The following SUPT3H variants were observed in gnomAD, a reference collection of about 807,000 sequenced individuals.
SUPT3H encodes transcription initiation protein SPT3 homolog.
Under a neutral mutation model 44.3 loss-of-function variants are expected in SUPT3H, and 44 were observed. The observed-to-expected ratio is 0.99, with a 90% CI of 0.78 to 1.28. The LOEUF (loss-of-function observed/expected upper bound fraction) is 1.28, where lower values mean the gene tolerates loss of function less well. SUPT3H is among the 50% of genes most tolerant of loss of function. SUPT3H has a pLI of 0.00. For synonymous variants in SUPT3H, 124 were observed against 125.6 expected, an observed-to-expected ratio of 0.99 and a Z score of 0.09; for missense variants, 380 against 387.1, an observed-to-expected ratio of 0.98 and a Z score of 0.15.
intron 2 of SUPT3H, among the ~76,000 whole-genome samples, chr6:45,343,055 A>G (rs1790137877): frequency 6.6e-6 from 1 of 152,196 alleles, no homozygotes; most frequent in Non-Finnish European, 1.5e-5. Flanking sequence ...GAAAGTTTCC[A>G]GTTAAATAAA....
chr6:45,319,253 T>C (rs1785132589), intron 2 of SUPT3H, among the ~76,000 whole-genome samples: 1 of 152,160 alleles, frequency 6.6e-6, no homozygotes, highest in African/African-American at 2.4e-5. Context: ...ATGTGTCTTA[T>C]AATTAAATAT....
chr6:44,855,451 G>GAA (rs1199311475), intron 10 of SUPT3H, among the ~76,000 whole-genome samples: 1 of 152,080 alleles, frequency 6.6e-6, no homozygotes, highest in Non-Finnish European at 1.5e-5. Flanking sequence ...CTCTCCTAAT[G>GAA]AAACTGTCAT....
chr6:44,987,949 A>G (rs536781717), intron 6 of SUPT3H, among the ~76,000 whole-genome samples: 2 of 152,098 alleles, frequency 1.3e-5, no homozygotes, highest in Non-Finnish European at 2.9e-5. Context: ...ACACTAGGGA[A>G]TGTTCTAGGA....
At chr6:45,339,539 T>G (rs2061673173) in intron 2 of SUPT3H, among the ~76,000 whole-genome samples, 1 of 152,120 alleles carries the variant, frequency 6.6e-6, no homozygotes, top group South Asian at 2.1e-4. Context: ...TAGTCAATGG[T>G]TATGTGTTTA....
chr6:44,877,027 T>C (rs1443360643), intron 10 of SUPT3H, among the ~76,000 whole-genome samples: 1 of 152,186 alleles, frequency 6.6e-6, no homozygotes, highest in Non-Finnish European at 1.5e-5. Context: ...ATTTGACAGT[T>C]ATGTCTAGTG....
intron 10 of SUPT3H, 93 bp from the exon 11 acceptor site, chr6:44,829,950 T>C: frequency 3.5e-6 from 4 of 1,129,364 alleles, no homozygotes; most frequent in Middle Eastern, 2.0e-4. Context: ...TCCTGTTTTG[T>C]AGACTCTGCT....
At chr6:45,234,773 T>C (rs1242941351) in intron 2 of SUPT3H, among the ~76,000 whole-genome samples, 1 of 152,166 alleles carries the variant, frequency 6.6e-6, no homozygotes, top group Non-Finnish European at 1.5e-5. Flanking sequence ...CACTTTTATA[T>C]CCAACTGATA....
Position 45,176,199 on chromosome 6 carries a change from C to T in SUPT3H, c.102-70193G>A, listed in dbSNP as rs373506631. On this transcript the variant is annotated intron_variant, in intron 2 of 10. Transcript: ENST00000371459. ...TCACTAGGGAGTGCCAGACAGTGGG[C>T]GCAGGTCAGTGGGTGCGCGCACCGT... Among the ~76,000 whole-genome samples, 25 of 151,704 alleles carry T rather than the reference C, an allele frequency of 1.6e-4. No individual in the cohort carries two copies. In the East Asian group the frequency reaches 2.7e-3, roughly 17 times the overall value.
At chr6:44,908,012 A>G (rs1470443781) in intron 10 of SUPT3H, among the ~76,000 whole-genome samples, 1 of 152,224 alleles carries the variant, frequency 6.6e-6, no homozygotes, top group Non-Finnish European at 1.5e-5. Context: ...AAGAGTAGCA[A>G]GAAATAACCA....
chr6:45,313,645 T>C (rs1377716698), intron 2 of SUPT3H, among the ~76,000 whole-genome samples: 1 of 81,018 alleles, frequency 1.2e-5, no homozygotes, highest in Non-Finnish European at 2.2e-5. Flanking sequence ...GAAATGGTAA[T>C]TTAAAAATTA....
intron 2 of SUPT3H, among the ~76,000 whole-genome samples, chr6:45,200,900 C>A (rs1382044365): frequency 6.6e-6 from 1 of 151,462 alleles, no homozygotes; most frequent in Non-Finnish European, 1.5e-5. Flanking sequence ...TATTTGTAAT[C>A]ATTTTCATTC....
intron 2 of SUPT3H, among the ~76,000 whole-genome samples, chr6:45,312,514 C>CAAAAA (rs144073348): frequency 6.6e-5 from 7 of 106,536 alleles, no homozygotes; most frequent in Admixed American, 2.0e-4. Context: ...GACTCCATCT[C>CAAAAA]AAAAAAAAAA....
In SUPT3H at chr6:45,127,491, C is replaced by A. The variant is rs143696069; in HGVS notation, c.102-21485G>T. Among the ~76,000 whole-genome samples, 232 of 152,168 alleles carry A rather than the reference C, an allele frequency of 1.5e-3. 3 individuals are homozygous for A. The highest frequency in any genetic ancestry group is 5.4e-3 in the African/African-American group (226 of 41,522). ...CTTCACAGATAAGAAAAATGATGCA[C>A]TAAGAGATTAAATAATTTGTCTAAG... is the stretch of plus-strand genomic sequence containing the variant. On this transcript the variant is annotated intron_variant, in intron 2 of 10. Transcript: ENST00000371459.
intron 2 of SUPT3H, among the ~76,000 whole-genome samples, chr6:45,196,230 C>T (rs951681016): frequency 1.3e-5 from 2 of 151,876 alleles, no homozygotes; most frequent in African/African-American, 4.8e-5. Context: ...AATACTGTCC[C>T]GCAGCTGTTT....
intron 10 of SUPT3H, among the ~76,000 whole-genome samples, chr6:44,863,421 G>A (rs1322061987): frequency 1.3e-5 from 2 of 152,210 alleles, no homozygotes; most frequent in African/African-American, 4.8e-5. Flanking sequence ...CCTATTTCAT[G>A]TAAGGGGTCA....
At chr6:45,103,098 CTGACTTTT>C (rs1488876643) in intron 3 of SUPT3H, among the ~76,000 whole-genome samples, 1 of 152,132 alleles carries the variant, frequency 6.6e-6, no homozygotes, top group Non-Finnish European at 1.5e-5. Flanking sequence ...TAAAAAAGGA[CTGACTTTT>C]TGAAAATAAC....
chr6:44,882,426 A>C (rs1778396310), intron 10 of SUPT3H, among the ~76,000 whole-genome samples: 1 of 152,210 alleles, frequency 6.6e-6, no homozygotes, highest in African/African-American at 2.4e-5. Context: ...CCAGGACCAG[A>C]TGGATTCACA....
intron 2 of SUPT3H, among the ~76,000 whole-genome samples, chr6:45,270,593 C>T (rs1337360041): frequency 6.6e-6 from 1 of 152,208 alleles, no homozygotes; most frequent in Non-Finnish European, 1.5e-5. Context: ...CCACGTGGAA[C>T]TGTAAGTCTA....
chr6:45,314,643 CACAA>C (rs1784436564), intron 2 of SUPT3H, among the ~76,000 whole-genome samples: 1 of 152,084 alleles, frequency 6.6e-6, no homozygotes, highest in Non-Finnish European at 1.5e-5. Flanking sequence ...TTACAGACAA[CACAA>C]ACAAATGGAA....
Sources: gnomAD v4.1 joint callset for allele counts (sites outside exome capture counted in the v4.1 genomes callset) on GRCh38, gnomAD v4.1.1 for gene constraint, MANE v1.5 for transcripts, NCBI Gene and HGNC (gene_info 2026-07-23, HGNC 2026-07-21) for gene names.